Variants in ACSL5 observed in about 807,000 individuals in gnomAD.
The protein encoded by ACSL5 is long-chain-fatty-acid--CoA ligase 5.
In ACSL5, 50 loss-of-function variants were observed where a neutral mutation model predicts 84.9. The observed-to-expected ratio is 0.59, with a 90% CI of 0.47 to 0.75. ACSL5 has a LOEUF of 0.75. Among genes scored for constraint, ACSL5 ranks in the 30% least tolerant of loss-of-function variants. The pLI is 0.00. For missense variants in ACSL5, 775 were observed against 830.4 expected (o/e 0.93, Z 0.82); for synonymous variants, 280 against 300.7 (o/e 0.93, Z 0.71).
intron 3 of ACSL5, among the ~76,000 whole-genome samples, chr10:112,401,792 CTTTCTTTCTTTCTTT>C (rs1843901746): frequency 7.4e-5 from 7 of 94,756 alleles, no homozygotes; most frequent in African/African-American, 2.6e-4. Context: ...CTTTCTCTTT[CTTTCTTTCTTTCTTT>C]CTTTCTTTCT....
At chr10:112,379,499 C>T (rs572849587) in intron 1 of ACSL5, among the ~76,000 whole-genome samples, 3 of 151,928 alleles carry the variant, frequency 2.0e-5, no homozygotes, top group South Asian at 2.1e-4. Context: ...GTGGTCATCT[C>T]TTTTCTTTTG....
Position 112,378,246 on chromosome 10 carries a change from T to G in ACSL5, c.-30+3977T>G, listed in dbSNP as rs1317848586. ...CTTCTTGTTTTTTTTTTTTTTTTTT[T>G]TTTTTTTTTTTTGGAGGAGCCTCAC... is the stretch of plus-strand genomic sequence containing the variant. On this transcript the variant is annotated intron_variant, in intron 1 of 20. Transcript: ENST00000354655. 9.2e-5 allele frequency among the ~76,000 whole-genome samples: 12 copies of G among 129,818 alleles called. No individual in the cohort carries two copies. The East Asian group carries it at 2.0e-3, about 21-fold the overall frequency. The allele number at this position is 129,818 out of a possible 152,430, so 85.2% of individuals were successfully genotyped here.
intron 2 of ACSL5, among the ~76,000 whole-genome samples, chr10:112,398,514 C>T (rs891743386): frequency 6.6e-6 from 1 of 152,064 alleles, no homozygotes; most frequent in Non-Finnish European, 1.5e-5. Context: ...AAGCCATTCT[C>T]CTGTCTCAAC....
intron 1 of ACSL5, among the ~76,000 whole-genome samples, chr10:112,382,339 G>A (rs139665926): frequency 2.3e-3 from 347 of 152,294 alleles, no homozygotes; most frequent in Non-Finnish European, 4.1e-3. Flanking sequence ...GACTCTCCTC[G>A]CTAGTTGCCT....
rs41292612 is a variant in ACSL5 at position 112,375,324 on chromosome 10, T to C, written c.-30+1055T>C. 5.1e-3 allele frequency: 767 copies of C among 151,408 alleles called. 8 individuals are homozygous for C. Among genetic ancestry groups the C allele is most frequent in the Non-Finnish European group, 5.6e-3 (381 of 68,062 alleles). The allele number at this position is 151,408 out of a possible 1,614,324, so 9.4% of individuals were successfully genotyped here. ...CTCCCAGCCCTTCATCTTTCTTCCATGTCCAAAGGCGGCTCCCCAGAGGCC... is the reference window on the plus strand; with the variant it reads ...CTCCCAGCCCTTCATCTTTCTTCCACGTCCAAAGGCGGCTCCCCAGAGGCC... On this transcript the variant is annotated intron_variant, in intron 1 of 20. Transcript: ENST00000354655.
At chr10:112,414,856 T>C (rs1428679004) in intron 12 of ACSL5, among the ~76,000 whole-genome samples, 2 of 152,146 alleles carry the variant, frequency 1.3e-5, no homozygotes, top group Non-Finnish European at 2.9e-5. Flanking sequence ...TATGTGATGA[T>C]TCCTCGGGCT....
At position 112,417,007 on chromosome 10, in the gene ACSL5, C is replaced by G. The variant is rs776511271; in HGVS notation, c.1203C>G (p.Ile401Met). The change falls in exon 13 of 21, where the codon ATC becomes ATG. Residue 401 changes from isoleucine to methionine, a missense_variant. Physicochemically the swap from Ile to Met is conservative, Grantham distance 10 (BLOSUM62 1). Transcript: ENST00000354655. ...ATGATAGTTTCTGGGACAAGCTCAT[C>G]TTTGCAAAGATCCAGGTAGGTTGGG... The part of the protein sequence containing the change: ...IRHDSFWDKL[I>M]FAKIQDSLGG... The G allele has an allele frequency of 6.2e-7, 1 of 1,613,864 alleles. No homozygotes were observed. Among genetic ancestry groups the G allele is most frequent in the South Asian group, 1.1e-5 (1 of 91,060 alleles).
chr10:112,404,837 G>A (rs1426754223), intron 5 of ACSL5, 31 bp downstream of exon 5: 4 of 1,570,562 alleles, frequency 2.5e-6, no homozygotes, highest in Non-Finnish European at 3.5e-6. Context: ...TAAAGGAAAT[G>A]AGTCAGGGTT....
At chr10:112,390,649 T>C (rs1225683111) in intron 1 of ACSL5, among the ~76,000 whole-genome samples, 4 of 116,504 alleles carry the variant, frequency 3.4e-5, no homozygotes, top group African/African-American at 6.6e-5. Flanking sequence ...AACTGGTAGA[T>C]AGATAAATAG....
intron 1 of ACSL5, among the ~76,000 whole-genome samples, chr10:112,376,646 G>A (rs1849245882): frequency 6.6e-6 from 1 of 152,100 alleles, no homozygotes; most frequent in African/African-American, 2.4e-5. Flanking sequence ...GGAGCAACGG[G>A]AAGGAAGGAT....
chr10:112,425,887 A>C (rs757202430), intron 18 of ACSL5, among the ~76,000 whole-genome samples: 26 of 152,212 alleles, frequency 1.7e-4, no homozygotes, highest in African/African-American at 6.0e-4. Context: ...TGTTTTATAC[A>C]TACTATGCTT....
chr10:112,412,520 T>G (rs1001455160), intron 11 of ACSL5: 6 of 153,094 alleles, frequency 3.9e-5, no homozygotes, highest in African/African-American at 1.4e-4. Context: ...CTTTTCAGGC[T>G]ATTTTGAGGC....
intron 1 of ACSL5, among the ~76,000 whole-genome samples, chr10:112,389,655 C>G (rs1031881158): frequency 1.3e-5 from 2 of 152,078 alleles, no homozygotes; most frequent in Non-Finnish European, 2.9e-5. Flanking sequence ...GTGACTAAAC[C>G]AGAGCTGTAG....
intron 15 of ACSL5, 52 bp downstream of exon 15, chr10:112,421,717 TAACTG>T (rs779464464): frequency 6.5e-7 from 1 of 1,534,440 alleles, no homozygotes; most frequent in Admixed American, 1.7e-5. Flanking sequence ...AGAAAGGTTC[TAACTG>T]AACTAGGACT....
chr10:112,385,565 C>T (rs1366524162), intron 1 of ACSL5, among the ~76,000 whole-genome samples: 1 of 152,208 alleles, frequency 6.6e-6, no homozygotes, highest in Non-Finnish European at 1.5e-5. Context: ...AATCTGCATT[C>T]TTAAGAACTA....
chr10:112,399,608 A>G (rs1235313692), intron 3 of ACSL5, among the ~76,000 whole-genome samples: 2 of 152,220 alleles, frequency 1.3e-5, no homozygotes, highest in Non-Finnish European at 2.9e-5. Context: ...ATTGAACATA[A>G]TGCCTGGCAC....
In ACSL5 at chr10:112,411,982, G is replaced by A; in HGVS notation, c.948+3G>A. The A allele has an allele frequency of 1.9e-6, 3 of 1,610,634 alleles. No individual in the cohort carries two copies. Among genetic ancestry groups the A allele is most frequent in the Non-Finnish European group, 2.5e-6 (3 of 1,176,758 alleles). ...ATATGTTTGAGAGGATTGTACAGGT[G>A]AGTGTTCTGTGTTCCTAGCAGTATG... On this transcript the variant is annotated splice_donor_region_variant and intron_variant, in intron 11 of 20. Transcript: ENST00000354655.
intron 3 of ACSL5, 127 bp from the exon 4 acceptor site, chr10:112,404,384 A>G (rs964595602): frequency 2.9e-6 from 2 of 685,744 alleles, no homozygotes; most frequent in Non-Finnish European, 5.0e-6. Flanking sequence ...TCCTGGACAT[A>G]TAATAGAAGC....
At chr10:112,382,851 A>G (rs571443679) in intron 1 of ACSL5, among the ~76,000 whole-genome samples, 1 of 152,304 alleles carries the variant, frequency 6.6e-6, no homozygotes, top group Admixed American at 6.5e-5. Context: ...TACGTAAGCA[A>G]TCGAATTGAA....
Sources: gnomAD v4.1 joint callset for allele counts (sites outside exome capture counted in the v4.1 genomes callset) on GRCh38, gnomAD v4.1.1 for gene constraint, MANE v1.5 for transcripts, NCBI Gene and HGNC (gene_info 2026-07-23, HGNC 2026-07-21) for gene names.